The following LNX2 variants were observed in gnomAD, a reference collection of about 807,000 sequenced individuals.
The protein encoded by LNX2 is ligand of numb-protein X 2, also known as ligand of Numb protein X 2.
LNX2 carries 35 observed loss-of-function variants against 66.2 expected under a neutral mutation model. The observed-to-expected ratio is 0.53, with a 90% CI of 0.40 to 0.70. The LOEUF is 0.70. Ranked by LOEUF, LNX2 falls within the 30% of genes least tolerant of loss-of-function variation. The pLI, the probability that LNX2 is intolerant of heterozygous loss-of-function variation, is 0.00. For missense variants in LNX2, 791 were observed against 850.8 expected (o/e 0.93, Z 0.87); for synonymous variants, 337 against 315.6 (o/e 1.07, Z -0.72).
intron 2 of LNX2, 106 bp from the exon 3 acceptor site, chr13:27,569,382 G>C (rs550959161): frequency 2.5e-6 from 3 of 1,209,928 alleles, no homozygotes; most frequent in Admixed American, 2.2e-5. Flanking sequence ...CCAGAAGCTA[G>C]AAGTACCTAT....
intron 4 of LNX2, among the ~76,000 whole-genome samples, chr13:27,564,615 C>T (rs1007407619): frequency 6.6e-6 from 1 of 151,904 alleles, no homozygotes; most frequent in African/African-American, 2.4e-5. Flanking sequence ...TTCAAAGAGG[C>T]TATTTAATAA....
At chr13:27,606,039 A>C (rs1451080477) in intron 1 of LNX2, among the ~76,000 whole-genome samples, 1 of 152,192 alleles carries the variant, frequency 6.6e-6, no homozygotes, top group Non-Finnish European at 1.5e-5. Context: ...AGCTATTCTA[A>C]GAGTGTCCAC....
At chr13:27,610,366 G>A (rs370222081) in intron 1 of LNX2, among the ~76,000 whole-genome samples, 4 of 152,170 alleles carry the variant, frequency 2.6e-5, no homozygotes, top group African/African-American at 9.7e-5. Flanking sequence ...CCCAATAAGC[G>A]ACATCAATTC....
intron 2 of LNX2, among the ~76,000 whole-genome samples, chr13:27,579,382 C>A (rs1853091748): frequency 1.3e-5 from 2 of 152,168 alleles, no homozygotes; most frequent in African/African-American, 2.4e-5. Flanking sequence ...TTCCAATCAT[C>A]CATCTTTTCA....
rs769690827 is a variant in LNX2, at chr13:27,553,190, C to T, written c.1778+18G>A. The T allele has an allele frequency of 6.2e-7, 1 of 1,602,218 alleles. No homozygotes were observed. Among genetic ancestry groups the T allele is most frequent in the Non-Finnish European group, 8.6e-7 (1 of 1,169,538 alleles). On this transcript the variant is annotated intron_variant, in intron 8 of 9. Coordinates refer to ENST00000316334, the MANE Select transcript of LNX2 (RefSeq NM_153371.4). ...CATGATTATGATTTCCATAAAGCAA[C>T]AAGAAAGCGCTCAGTACCTGGGAAG...
At chr13:27,552,388 T>A (rs956743918) in intron 8 of LNX2, among the ~76,000 whole-genome samples, 1 of 152,248 alleles carries the variant, frequency 6.6e-6, no homozygotes, top group Non-Finnish European at 1.5e-5. Flanking sequence ...GTTGTTGTTA[T>A]AAATGTATCC....
intron 6 of LNX2, among the ~76,000 whole-genome samples, chr13:27,558,510 TA>T (rs1374656798): frequency 6.6e-6 from 1 of 152,094 alleles, no homozygotes; most frequent in East Asian, 1.9e-4. Context: ...CTTAAAACTA[TA>T]ATGTTGTTAT....
chr13:27,581,778 T>C lies in LNX2; in HGVS notation c.-75A>G. The C allele has an allele frequency of 7.7e-7, 1 of 1,292,144 alleles. No individual in the cohort carries two copies. The highest frequency in any genetic ancestry group is 1.6e-5 in the South Asian group (1 of 64,114). 80.0% of individuals were successfully genotyped at this position (1,292,144 alleles called of 1,614,324 possible). ...GTTTCCTTTAACAGACAGTGATGTA[T>C]CTGACTAAAGTCAAGGTGTGTTTTT... On this transcript the variant is annotated 5_prime_UTR_variant, in exon 2 of 10. Coordinates refer to ENST00000316334, the MANE Select transcript of LNX2 (RefSeq NM_153371.4).
chr13:27,616,188 G>GT (rs1472321576), intron 1 of LNX2, among the ~76,000 whole-genome samples: 2 of 18,892 alleles, frequency 1.1e-4, no homozygotes, highest in East Asian at 1.2e-3. Flanking sequence ...GTGGGGGGTT[G>GT]GGGGGGGTAG....
chr13:27,546,382 A>G lies in LNX2; in HGVS notation c.*1953T>C, dbSNP rs981047486. On this transcript the variant is annotated 3_prime_UTR_variant, in exon 10 of 10. Coordinates refer to ENST00000316334, the MANE Select transcript of LNX2 (RefSeq NM_153371.4). ...GGGGAGCAGGGAAAAAACTTGTTCC[A>G]TGTCAATTAGAATATCAAAGCATTT... The G allele has an allele frequency of 1.3e-5, 2 of 152,234 alleles. No homozygotes were observed. Among genetic ancestry groups the G allele is most frequent in the Non-Finnish European group, 2.9e-5 (2 of 68,038 alleles). 9.4% of individuals were successfully genotyped at this position (152,234 alleles called of 1,614,324 possible).
At position 27,592,492 on chromosome 13, in the gene LNX2, C is replaced by T. The variant is rs576448507; in HGVS notation, c.-100-10689G>A. 2.6e-5 allele frequency among the ~76,000 whole-genome samples: 4 copies of T among 152,230 alleles called. No homozygotes were observed. The South Asian group carries it at 8.3e-4, about 32-fold the overall frequency. On this transcript the variant is annotated intron_variant, in intron 1 of 9. Transcript: ENST00000316334. ...CAAGCTGGAATATGTAAAATTTGGA[C>T]TGCCTGTTAGATTTCTAAGAAGAGA... is the stretch of plus-strand genomic sequence containing the variant.
At chr13:27,611,054 A>G (rs1326149501) in intron 1 of LNX2, among the ~76,000 whole-genome samples, 2 of 152,244 alleles carry the variant, frequency 1.3e-5, no homozygotes, top group African/African-American at 4.8e-5. Context: ...AACCGTATGG[A>G]GGTTCCTCAA....
intron 1 of LNX2, among the ~76,000 whole-genome samples, chr13:27,606,089 G>GC (rs1955712199): frequency 6.6e-6 from 1 of 152,126 alleles, no homozygotes; most frequent in Admixed American, 6.6e-5. Flanking sequence ...CTGCAGACTT[G>GC]ATGAACACTG....
chr13:27,569,355 C>T (rs1955249056), intron 2 of LNX2, 79 bp from the exon 3 acceptor site: 1 of 1,472,454 alleles, frequency 6.8e-7, no homozygotes, highest in Non-Finnish European at 9.2e-7. Flanking sequence ...GGACTAATAG[C>T]TTCTACACAA....
At position 27,599,752 on chromosome 13, in the gene LNX2, C is replaced by T. The variant is rs116601117; in HGVS notation, c.-100-17949G>A. On this transcript the variant is annotated intron_variant, in intron 1 of 9. Transcript: ENST00000316334. ...TAATGGAAGGGAAGAATTTCAAAGG[C>T]ACCCCAAAGAGGCAAATATTTAGCA... Among the ~76,000 whole-genome samples, 421 of 152,240 alleles carry T rather than the reference C, an allele frequency of 2.8e-3. 2 individuals are homozygous for T. The highest frequency in any genetic ancestry group is 9.4e-3 in the African/African-American group (390 of 41,548).
chr13:27,583,220 G>GCCCTC (rs1416930539), intron 1 of LNX2, among the ~76,000 whole-genome samples: 1 of 18,436 alleles, frequency 5.4e-5, no homozygotes, highest in Non-Finnish European at 9.0e-5. Flanking sequence ...GTGTGTGTGT[G>GCCCTC]TGTGTGTGTG....
intron 1 of LNX2, among the ~76,000 whole-genome samples, chr13:27,588,004 G>A (rs1345817547): frequency 7.7e-6 from 1 of 130,350 alleles, no homozygotes; most frequent in Non-Finnish European, 1.6e-5. Flanking sequence ...CTGGGCAAGA[G>A]TGCGAGACTC....
chr13:27,603,282 T>C (rs920534219), intron 1 of LNX2, among the ~76,000 whole-genome samples: 1 of 152,220 alleles, frequency 6.6e-6, no homozygotes, highest in Non-Finnish European at 1.5e-5. Context: ...TTTGCTATAC[T>C]AAAATATTTA....
At chr13:27,580,255 C>T (rs1247424865) in intron 2 of LNX2, among the ~76,000 whole-genome samples, 1 of 152,028 alleles carries the variant, frequency 6.6e-6, no homozygotes, top group Non-Finnish European at 1.5e-5. Flanking sequence ...AGTCTAACTA[C>T]AGCATTAACT....
Sources: allele counts gnomAD v4.1 joint callset (sites outside exome capture counted in the v4.1 genomes callset), GRCh38; gene constraint gnomAD v4.1.1; transcripts MANE v1.5; gene names NCBI Gene and HGNC (gene_info 2026-07-23, HGNC 2026-07-21).